IL1RAPL1: variants seen among roughly 807,000 people sequenced by gnomAD.
IL1RAPL1 encodes the protein interleukin-1 receptor accessory protein-like 1.
IL1RAPL1 carries 3 observed loss-of-function variants against 48.4 expected under a neutral mutation model. That is an observed-to-expected ratio of 0.06 (90% confidence interval 0.03 to 0.16). IL1RAPL1 has a LOEUF of 0.16. Ranked by LOEUF, IL1RAPL1 falls within the 10% of genes least tolerant of loss-of-function variation. The probability of loss-of-function intolerance (pLI) is 1.00; values close to 1 mark genes in which losing one functional copy is unlikely to be tolerated. For synonymous variants in IL1RAPL1, 185 were observed against 187.7 expected (o/e 0.99, Z 0.12); for missense variants, 349 against 530.6 (o/e 0.66, Z 3.36).
At chrX:29,775,250 G>C (rs182783763) in intron 6 of IL1RAPL1, among the ~76,000 whole-genome samples, 7 of 111,539 alleles carry the variant, frequency 6.3e-5, no homozygotes, top group Admixed American at 3.8e-4. Flanking sequence ...GAGCTTACAA[G>C]TGAGTTGAAG....
chrX:29,416,287 G>A (rs963352112), intron 5 of IL1RAPL1, among the ~76,000 whole-genome samples: 1 of 111,440 alleles, frequency 9.0e-6, no homozygotes, highest in Admixed American at 9.6e-5. Context: ...GCTCACTCAC[G>A]ACTGTAATCC....
chrX:29,336,562 G>T (rs377681709), intron 3 of IL1RAPL1, among the ~76,000 whole-genome samples: 1 of 110,094 alleles, frequency 9.1e-6, no homozygotes, highest in Non-Finnish European at 1.9e-5. Context: ...GCCAAAAGAC[G>T]TTAATAAGAT....
intron 6 of IL1RAPL1, among the ~76,000 whole-genome samples, chrX:29,912,630 T>A (rs1164907102): frequency 8.9e-6 from 1 of 111,741 alleles, no homozygotes; most frequent in Non-Finnish European, 1.9e-5. Flanking sequence ...TTGGAAGAAG[T>A]TTCATTTGAA....
At chrX:28,873,167 G>T (rs572193481) in intron 2 of IL1RAPL1, among the ~76,000 whole-genome samples, 1 of 92,440 alleles carries the variant, frequency 1.1e-5, no homozygotes, top group South Asian at 5.7e-4. Context: ...CAGGAGCACA[G>T]TGGCACGATC....
chrX:29,456,041 AT>A (rs1741062983), intron 5 of IL1RAPL1, among the ~76,000 whole-genome samples: 5 of 106,088 alleles, frequency 4.7e-5, no homozygotes, highest in Admixed American at 4.0e-4. Flanking sequence ...CAGCTGAAAT[AT>A]TTTTTTCCTT....
In IL1RAPL1 at chrX:29,837,272, A is replaced by AAT. The variant is rs1229668903; in HGVS notation, c.779-80164_779-80163dup. ...AGACTGCATCTCAAAAAAAAAAAAAAATATATATATATATATATATATATA... is the reference window on the plus strand; with the variant it reads ...AGACTGCATCTCAAAAAAAAAAAAAAATATATATATATATATATATATATATA... On this transcript the variant is annotated intron_variant, in intron 6 of 10. Coordinates refer to ENST00000378993, the MANE Select transcript of IL1RAPL1 (RefSeq NM_014271.4). 4.4e-3 allele frequency among the ~76,000 whole-genome samples: 320 copies of AAT among 72,038 alleles called. 8 individuals are homozygous for AAT. The highest frequency in any genetic ancestry group is 0.02 in the South Asian group (25 of 1,257). 62.6% of individuals were successfully genotyped at this position (72,038 alleles called of 115,157 possible).
chrX:29,586,896 T>C (rs1012650610), intron 5 of IL1RAPL1, among the ~76,000 whole-genome samples: 7 of 111,775 alleles, frequency 6.3e-5, no homozygotes, highest in African/African-American at 2.3e-4. Flanking sequence ...CCTGCAACTT[T>C]ACCAAATTCG....
intron 2 of IL1RAPL1, among the ~76,000 whole-genome samples, chrX:29,225,302 G>A (rs1031341860): frequency 1.8e-5 from 2 of 111,825 alleles, no homozygotes; most frequent in African/African-American, 6.5e-5. Context: ...TTAGACATCC[G>A]TGCTTATCTA....
chrX:29,577,879 A>G (rs776486513), intron 5 of IL1RAPL1, among the ~76,000 whole-genome samples: 3 of 111,156 alleles, frequency 2.7e-5, no homozygotes, highest in Non-Finnish European at 3.8e-5. Flanking sequence ...GAAATGAATA[A>G]TCTCTCATGC....
Position 28,805,181 on chromosome X carries a change from A to G in IL1RAPL1, c.82+15756A>G, listed in dbSNP as rs150522609. On this transcript the variant is annotated intron_variant, in intron 2 of 10. Coordinates refer to ENST00000378993, the MANE Select transcript of IL1RAPL1 (RefSeq NM_014271.4). ...GAGCCAGTAACAGCAGGAATAAAAG[A>G]AAGAGAGATGGATTTGATTGCTAGT... Among the ~76,000 whole-genome samples, 138 of 111,058 alleles carry G rather than the reference A, an allele frequency of 1.2e-3. 3 individuals carry two copies. In the East Asian group the frequency reaches 0.034, roughly 27 times the overall value.
chrX:29,242,327 A>G (rs182607970), intron 2 of IL1RAPL1, among the ~76,000 whole-genome samples: 1 of 112,391 alleles, frequency 8.9e-6, no homozygotes, highest in African/African-American at 3.2e-5. Flanking sequence ...CCTACTTTAC[A>G]GGAGGGGCGC....
At chrX:28,794,526 C>T (rs1325681504) in intron 2 of IL1RAPL1, among the ~76,000 whole-genome samples, 4 of 111,329 alleles carry the variant, frequency 3.6e-5, no homozygotes, top group African/African-American at 1.3e-4. Flanking sequence ...CCAAAAAGCA[C>T]GTTATTTTAG....
At chrX:29,765,864 G>A (rs1291192221) in intron 6 of IL1RAPL1, among the ~76,000 whole-genome samples, 3 of 110,313 alleles carry the variant, frequency 2.7e-5, no homozygotes, top group Non-Finnish European at 3.8e-5. Flanking sequence ...GTACACAAAC[G>A]CATATAGAGT....
At chrX:29,071,544 A>G (rs1414133396) in intron 2 of IL1RAPL1, among the ~76,000 whole-genome samples, 1 of 111,703 alleles carries the variant, frequency 9.0e-6, no homozygotes, top group African/African-American at 3.2e-5. Context: ...TTTTCACTCA[A>G]TTGAAATAGT....
chrX:29,027,921 T>TG (rs1926521448), intron 2 of IL1RAPL1, among the ~76,000 whole-genome samples: 5 of 106,726 alleles, frequency 4.7e-5, no homozygotes, highest in East Asian at 6.0e-4. Context: ...AAGATTTCTT[T>TG]TTGTGTGTGT....
chrX:29,172,004 A>G (rs763151568), intron 2 of IL1RAPL1, among the ~76,000 whole-genome samples: 1 of 112,457 alleles, frequency 8.9e-6, no homozygotes, highest in Non-Finnish European at 1.9e-5. Context: ...CATTTTGCCA[A>G]TAATAACCTC....
chrX:28,992,004 T>C (rs1269926237), intron 2 of IL1RAPL1, among the ~76,000 whole-genome samples: 1 of 111,945 alleles, frequency 8.9e-6, no homozygotes, highest in African/African-American at 3.2e-5. Context: ...GGTTGAATTA[T>C]TGGCTTCAGT....
At chrX:29,330,621 A>T (rs1932877022) in intron 3 of IL1RAPL1, among the ~76,000 whole-genome samples, 1 of 110,861 alleles carries the variant, frequency 9.0e-6, no homozygotes, top group Non-Finnish European at 1.9e-5. Flanking sequence ...CCTCTCCTAC[A>T]GTTTCCTTGA....
chrX:29,615,795 A>T (rs1924268159), intron 5 of IL1RAPL1, among the ~76,000 whole-genome samples: 1 of 112,506 alleles, frequency 8.9e-6, no homozygotes, highest in Non-Finnish European at 1.9e-5. Context: ...CATAAAAATA[A>T]TATGTATCTA....
Sources: allele counts gnomAD v4.1 joint callset (sites outside exome capture counted in the v4.1 genomes callset), GRCh38; gene constraint gnomAD v4.1.1; transcripts MANE v1.5; gene names NCBI Gene and HGNC (gene_info 2026-07-23, HGNC 2026-07-21).